The following COL4A4 variants were observed in gnomAD, a reference collection of about 807,000 sequenced individuals.
COL4A4 encodes collagen alpha-4(IV) chain.
Under a neutral mutation model 192.9 loss-of-function variants are expected in COL4A4, and 105 were observed. The ratio of observed to expected loss-of-function variants is 0.54; its 90% CI spans 0.46 to 0.64. The LOEUF is 0.64. Ranked by LOEUF, COL4A4 falls within the 30% of genes least tolerant of loss-of-function variation. COL4A4 has a pLI of 0.00. For missense variants in COL4A4, 1,967 were observed against 2,169.3 expected (o/e 0.91, Z 1.85); for synonymous variants, 762 against 769.9 (o/e 0.99, Z 0.17).
At chr2:227,045,837 CATATATATATACACAT>C in intron 35 of COL4A4, among the ~76,000 whole-genome samples, 1 of 41,148 alleles carries the variant, frequency 2.4e-5, no homozygotes, top group East Asian at 7.4e-4. Flanking sequence ...TATATACACA[CATATATATATACACAT>C]ATATATATAC....
intron 1 of COL4A4, among the ~76,000 whole-genome samples, chr2:227,155,256 A>T (rs1477360377): frequency 6.7e-6 from 1 of 149,226 alleles, no homozygotes; most frequent in African/African-American, 2.5e-5. Flanking sequence ...ACTGGAGTTG[A>T]GTTTGTTAGT....
the COL4A4 span, among the ~76,000 whole-genome samples, chr2:226,981,045 C>T: frequency 6.6e-6 from 1 of 152,146 alleles, no homozygotes; most frequent in African/African-American, 2.4e-5. Context: ...ACTCCTTGGC[C>T]TTCCTGAGGC....
chr2:227,056,176 G>A, intron 29 of COL4A4, 61 bp from the exon 30 acceptor site: 1 of 1,443,986 alleles, frequency 6.9e-7, no homozygotes, highest in South Asian at 1.1e-5. Flanking sequence ...ACACACAGCA[G>A]GAAAAATATA....
At chr2:227,098,505 C>T (rs1248987839) in intron 19 of COL4A4, among the ~76,000 whole-genome samples, 189 bp downstream of exon 19, 1 of 152,212 alleles carries the variant, frequency 6.6e-6, no homozygotes, top group Non-Finnish European at 1.5e-5. Context: ...AGCGCTTCTA[C>T]AGTATCAGAT....
At chr2:227,151,798 C>T (rs572782220) in intron 1 of COL4A4, among the ~76,000 whole-genome samples, 61 of 152,252 alleles carry the variant, frequency 4.0e-4, no homozygotes, top group Admixed American at 6.5e-4. Flanking sequence ...TTCCTTCCAC[C>T]ATGTGAGGAT....
At chr2:227,011,683 AT>A (rs1395347750) in intron 45 of COL4A4, among the ~76,000 whole-genome samples, 1 of 151,608 alleles carries the variant, frequency 6.6e-6, no homozygotes, top group African/African-American at 2.4e-5. Flanking sequence ...ACCACTTCCC[AT>A]TTTTTTTCTT....
intron 1 of COL4A4, among the ~76,000 whole-genome samples, chr2:227,148,218 C>A (rs1357854082): frequency 6.6e-6 from 1 of 152,140 alleles, no homozygotes; most frequent in Non-Finnish European, 1.5e-5. Flanking sequence ...TTCATGGAAG[C>A]ATATTCATAA....
intron 4 of COL4A4, among the ~76,000 whole-genome samples, chr2:227,131,304 A>G (rs1054595006): frequency 6.6e-6 from 1 of 151,816 alleles, no homozygotes; most frequent in Non-Finnish European, 1.5e-5. Context: ...ACAGGCACCC[A>G]CCACCATGCC....
intron 1 of COL4A4, among the ~76,000 whole-genome samples, chr2:227,149,865 G>A (rs975666525): frequency 6.6e-6 from 1 of 151,550 alleles, no homozygotes; most frequent in Non-Finnish European, 1.5e-5. Flanking sequence ...ATGGATGGAT[G>A]AATGGACAGA....
intron 28 of COL4A4, 73 bp from the exon 29 acceptor site, chr2:227,057,673 G>T: frequency 6.8e-7 from 1 of 1,462,140 alleles, no homozygotes; most frequent in Non-Finnish European, 9.5e-7. Context: ...AATTGTTCAC[G>T]CATATCAATA....
intron 22 of COL4A4, among the ~76,000 whole-genome samples, chr2:227,082,957 A>G (rs1409642722): frequency 6.6e-6 from 1 of 152,190 alleles, no homozygotes; most frequent in Non-Finnish European, 1.5e-5. Context: ...GGCTGGGTGC[A>G]GTGGCTCACA....
At chr2:226,994,568 C>T in the COL4A4 span, among the ~76,000 whole-genome samples, 1 of 152,104 alleles carries the variant, frequency 6.6e-6, no homozygotes, top group Non-Finnish European at 1.5e-5. Context: ...AAAGGTACAG[C>T]CTTTTTGGTC....
intron 5 of COL4A4, chr2:227,120,694 T>C (rs1262893581): frequency 1.9e-5 from 6 of 308,194 alleles, no homozygotes; most frequent in Admixed American, 1.8e-4. Flanking sequence ...TTACAGCATT[T>C]TGGGAGGCCG....
intron 43 of COL4A4, among the ~76,000 whole-genome samples, chr2:227,024,129 A>C (rs1966568104): frequency 6.6e-6 from 1 of 152,236 alleles, no homozygotes; most frequent in Non-Finnish European, 1.5e-5. Flanking sequence ...TTCTGGCTCC[A>C]AACCCATGTT....
At chr2:227,054,040 A>T (rs987804346) in intron 31 of COL4A4, among the ~76,000 whole-genome samples, 4 of 152,214 alleles carry the variant, frequency 2.6e-5, no homozygotes, top group Non-Finnish European at 5.9e-5. Flanking sequence ...ACTCAAAAAC[A>T]AGGTAATATT....
In COL4A4 at chr2:227,157,894, G is replaced by T. The variant is rs577377684; in HGVS notation, c.-102+6113C>A. On this transcript the variant is annotated intron_variant, in intron 1 of 47. Transcript: ENST00000396625. ...GAATATAGAAAAAAAGAGAGTGCTG[G>T]CCAACTTATTTTATGAGGCTAGCAT... 6.6e-5 allele frequency among the ~76,000 whole-genome samples: 10 copies of T among 151,954 alleles called. No individual in the cohort carries two copies. The East Asian group carries it at 1.9e-3, about 29-fold the overall frequency.
rs1559477053 is a variant in COL4A4 at position 227,041,813 on chromosome 2, AAAG to A, written c.3505+332_3505+334del. ...GAAAGAAAGAAAGAAAGGAAGAAAG[AAAG>A]AAAGAAAGAAAGAAAGAAAGAAAGA... On this transcript the variant is annotated intron_variant, in intron 37 of 47. Coordinates refer to ENST00000396625, the MANE Select transcript of COL4A4 (RefSeq NM_000092.5). 7.9e-4 allele frequency among the ~76,000 whole-genome samples: 26 copies of A among 32,816 alleles called. 2 individuals are homozygous for A. Among genetic ancestry groups the A allele is most frequent in the African/African-American group, 5.4e-3 (26 of 4,818 alleles). 21.5% of individuals were successfully genotyped at this position (32,816 alleles called of 152,430 possible). A position where few individuals can be genotyped will look rare whatever the true frequency, so the allele number is the denominator to read the frequency against.
chr2:227,158,929 A>G (rs768972020), intron 1 of COL4A4, among the ~76,000 whole-genome samples: 20 of 152,320 alleles, frequency 1.3e-4, no homozygotes, highest in Non-Finnish European at 2.9e-5. Flanking sequence ...ATGTACATCT[A>G]CCATATGACC....
chr2:227,063,172 A>T lies in COL4A4; in HGVS notation c.1988-574T>A, dbSNP rs552394999. Among the ~76,000 whole-genome samples, 3 of 152,204 alleles carry T rather than the reference A, an allele frequency of 2.0e-5. No individual in the cohort carries two copies. The South Asian group carries it at 6.2e-4, about 32-fold the overall frequency. On this transcript the variant is annotated intron_variant, in intron 25 of 47. Coordinates refer to ENST00000396625, the MANE Select transcript of COL4A4 (RefSeq NM_000092.5). Reference sequence around the variant, plus strand: ...TCTAATGACTTCACAATCTAGTAGCATCATCCCCCATGTTAAAGAAATGTT... The same window carrying T: ...TCTAATGACTTCACAATCTAGTAGCTTCATCCCCCATGTTAAAGAAATGTT...
Sources: gnomAD v4.1 joint callset for allele counts (sites outside exome capture counted in the v4.1 genomes callset) on GRCh38, gnomAD v4.1.1 for gene constraint, MANE v1.5 for transcripts, NCBI Gene and HGNC (gene_info 2026-07-23, HGNC 2026-07-21) for gene names.